Variants in EPHA7 observed in about 807,000 individuals in gnomAD.
The protein encoded by EPHA7 is ephrin type-A receptor 7.
A neutral mutation model predicts 112.6 loss-of-function variants in EPHA7; 25 were observed. That is an observed-to-expected ratio of 0.22 (90% confidence interval 0.16 to 0.31). The LOEUF is 0.31. EPHA7 is among the 10% of genes least tolerant of loss of function. The pLI is 1.00. For missense variants in EPHA7, 962 were observed against 1,212.6 expected (o/e 0.79, Z 3.07); for synonymous variants, 437 against 406.5 (o/e 1.07, Z -0.90).
intron 5 of EPHA7, among the ~76,000 whole-genome samples, chr6:93,345,759 T>C (rs7754379): frequency 0.023 from 3,459 of 151,660 alleles, 138 homozygotes; most frequent in African/African-American, 0.078. Context: ...CCCTATTACT[T>C]GGATCAGTTG....
At chr6:93,349,833 G>A (rs189314298) in intron 5 of EPHA7, among the ~76,000 whole-genome samples, 11 of 151,854 alleles carry the variant, frequency 7.2e-5, no homozygotes, top group Admixed American at 1.3e-4. Flanking sequence ...GAAAAGAGAC[G>A]ATCTACGTTA....
intron 3 of EPHA7, among the ~76,000 whole-genome samples, chr6:93,403,322 T>A (rs1582676157): frequency 6.7e-6 from 1 of 149,966 alleles, no homozygotes; most frequent in Non-Finnish European, 1.5e-5. Flanking sequence ...AAGGCTAAGG[T>A]GGTGTAAGAA....
chr6:93,320,027 A>T (rs1205845603), intron 5 of EPHA7, among the ~76,000 whole-genome samples: 1 of 152,022 alleles, frequency 6.6e-6, no homozygotes, highest in Non-Finnish European at 1.5e-5. Flanking sequence ...AATTGGATAA[A>T]ATATTATAAT....
chr6:93,269,685 A>ATTG, intron 6 of EPHA7, 25 bp from the exon 7 acceptor site: 1 of 1,474,626 alleles, frequency 6.8e-7, no homozygotes. Context: ...TAGAGGAAAT[A>ATTG]TTTAATTGTG....
At chr6:93,342,262 A>T (rs1378067018) in intron 5 of EPHA7, among the ~76,000 whole-genome samples, 1 of 151,662 alleles carries the variant, frequency 6.6e-6, no homozygotes, top group African/African-American at 2.4e-5. Context: ...TGTGGAATTC[A>T]CTCTTGCTGT....
At chr6:93,378,411 C>T (rs1366618566) in intron 3 of EPHA7, among the ~76,000 whole-genome samples, 2 of 151,988 alleles carry the variant, frequency 1.3e-5, no homozygotes, top group Non-Finnish European at 2.9e-5. Context: ...GGGAGGGCTT[C>T]GGTGGTAATG....
chr6:93,393,376 C>T (rs1360033668), intron 3 of EPHA7, among the ~76,000 whole-genome samples: 4 of 151,274 alleles, frequency 2.6e-5, no homozygotes, highest in African/African-American at 9.7e-5. Flanking sequence ...GTAGTTCAAT[C>T]AATGATTGTT....
chr6:93,281,515 C>T (rs1419964967), intron 5 of EPHA7, among the ~76,000 whole-genome samples: 1 of 152,018 alleles, frequency 6.6e-6, no homozygotes, highest in East Asian at 1.9e-4. Flanking sequence ...AAGTATGGGA[C>T]AGCTATGGCC....
intron 5 of EPHA7, among the ~76,000 whole-genome samples, chr6:93,289,094 T>C (rs893387575): frequency 9.9e-5 from 15 of 152,186 alleles, no homozygotes; most frequent in East Asian, 3.9e-4. Flanking sequence ...AAGCTTTTTT[T>C]CCCCCCATAT....
At chr6:93,305,248 G>A (rs1472946941) in intron 5 of EPHA7, among the ~76,000 whole-genome samples, 1 of 151,334 alleles carries the variant, frequency 6.6e-6, no homozygotes, top group African/African-American at 2.4e-5. Flanking sequence ...ATTTGATTAA[G>A]CAGGGTGAAC....
At chr6:93,301,190 C>T (rs1772958824) in intron 5 of EPHA7, among the ~76,000 whole-genome samples, 1 of 152,086 alleles carries the variant, frequency 6.6e-6, no homozygotes, top group Admixed American at 6.6e-5. Context: ...ATATTATCTA[C>T]TCTGCTCTAA....
chr6:93,320,300 T>C (rs1774003915), intron 5 of EPHA7, among the ~76,000 whole-genome samples: 1 of 152,074 alleles, frequency 6.6e-6, no homozygotes, highest in African/African-American at 2.4e-5. Context: ...TCTGCAGATT[T>C]AACAAAAGCT....
chr6:93,359,874 G>GAGAGATAGATAGATAGATAGAT (rs1462833873), intron 3 of EPHA7, among the ~76,000 whole-genome samples: 14 of 127,934 alleles, frequency 1.1e-4, no homozygotes, highest in African/African-American at 4.1e-4. Flanking sequence ...GAGAGAGAGA[G>GAGAGATAGATAGATAGATAGAT]AGATAGATAG....
intron 2 of EPHA7, among the ~76,000 whole-genome samples, chr6:93,413,001 C>T (rs143859076): frequency 1.3e-5 from 2 of 152,056 alleles, no homozygotes; most frequent in African/African-American, 4.8e-5. Context: ...AGACTACAAA[C>T]ATTGAGACTA....
chr6:93,293,568 A>G (rs1331095928), intron 5 of EPHA7, among the ~76,000 whole-genome samples: 1 of 152,148 alleles, frequency 6.6e-6, no homozygotes, highest in Non-Finnish European at 1.5e-5. Flanking sequence ...TTTAAAACCA[A>G]TCTGTCGACA....
At chr6:93,265,138 C>A (rs1449137267) in intron 7 of EPHA7, among the ~76,000 whole-genome samples, 1 of 151,544 alleles carries the variant, frequency 6.6e-6, no homozygotes, top group African/African-American at 2.4e-5. Flanking sequence ...CCTTAACACA[C>A]ATTAAATGCT....
intron 3 of EPHA7, among the ~76,000 whole-genome samples, chr6:93,407,210 G>A (rs1043661073): frequency 2.0e-5 from 3 of 151,948 alleles, no homozygotes; most frequent in African/African-American, 7.2e-5. Flanking sequence ...ACATCACAAT[G>A]GGCTGCTACT....
chr6:93,258,016 T>A, intron 11 of EPHA7, 83 bp downstream of exon 11: 2 of 1,275,718 alleles, frequency 1.6e-6, no homozygotes, highest in Non-Finnish European at 2.2e-6. Flanking sequence ...ACATATTTCA[T>A]AATTTGTTTT....
chr6:93,263,796 T>C (rs573187059), intron 9 of EPHA7, 64 bp downstream of exon 9: 9 of 1,359,448 alleles, frequency 6.6e-6, no homozygotes, highest in Non-Finnish European at 9.3e-6. Flanking sequence ...TTAATGCCAA[T>C]GCTAATAACC....
Sources: gnomAD v4.1 joint callset for allele counts (sites outside exome capture counted in the v4.1 genomes callset) on GRCh38, gnomAD v4.1.1 for gene constraint, MANE v1.5 for transcripts, NCBI Gene and HGNC (gene_info 2026-07-23, HGNC 2026-07-21) for gene names.